Variants in CLCN2 observed in about 807,000 individuals in gnomAD.
The protein encoded by CLCN2 is chloride voltage-gated channel 2, also known as chloride channel protein 2.
Under a neutral mutation model 108.3 loss-of-function variants are expected in CLCN2, and 72 were observed. The observed-to-expected ratio is 0.66, with a 90% CI of 0.55 to 0.81. CLCN2 has a LOEUF of 0.81. CLCN2 is among the 30% of genes least tolerant of loss of function. The pLI is 0.00. For synonymous variants in CLCN2, 471 were observed against 467.1 expected (o/e 1.01, Z -0.11); for missense variants, 1,048 against 1,205.2 (o/e 0.87, Z 1.93).
rs1362688265 is a variant in CLCN2, at chr3:184,353,285, C to A, written c.1993G>T (p.Gly665Cys). Residue 665 changes from glycine to cysteine, a missense_variant, in exon 17 of 24, where the codon GGT (glycine) becomes TGT (cysteine). Transcript: ENST00000265593. ...TQTSPLSDQE[G>C]PPTPEASVCF... ...ACAGAAGCCTCAGGGGTAGGGGGAC[C>A]CTCCTGATCAGATAGTGGAGAGGTC... 1.9e-6 allele frequency: 3 copies of A among 1,613,924 alleles called. No homozygotes were observed. The highest frequency in any genetic ancestry group is 2.7e-5 in the African/African-American group (2 of 75,054).
Position 184,359,108 on chromosome 3 carries a change from G to T in CLCN2, c.87C>A (p.Asp29Glu). 1 of 1,613,768 alleles carries T rather than the reference G, an allele frequency of 6.2e-7. No homozygotes were observed. ...QTLMYGRYTQ[D>E]LGAFAKEEAA... ...CTTCCTCTTTGGCAAAGGCCCCAAGGTCCTGAGTGTACCGGCCATACATCT... is the reference window on the plus strand; with the variant it reads ...CTTCCTCTTTGGCAAAGGCCCCAAGTTCCTGAGTGTACCGGCCATACATCT... The change falls in exon 2 of 24, where the codon GAC becomes GAA. Residue 29 changes from aspartate to glutamate, a missense_variant. Transcript: ENST00000265593.
At chr3:184,352,840 G>T in intron 18 of CLCN2, 30 bp from the exon 19 acceptor site, 1 of 1,611,138 alleles carries the variant, frequency 6.2e-7, no homozygotes, top group Non-Finnish European at 8.5e-7. Flanking sequence ...GCCCCAGGGG[G>T]CAATGTCATC....
At chr3:184,356,381 C>G (rs1300933395) in intron 10 of CLCN2, 3 of 165,022 alleles carry the variant, frequency 1.8e-5, no homozygotes, top group Admixed American at 1.7e-4. Context: ...CAGTGGCTCA[C>G]GCCTGTAATC....
At chr3:184,353,856 G>A in intron 15 of CLCN2, 61 bp from the exon 16 acceptor site, 1 of 1,577,898 alleles carries the variant, frequency 6.3e-7, no homozygotes, top group Admixed American at 1.9e-5. Context: ...CCAGAGCATT[G>A]CCATCCCAGG....
chr3:184,352,435 A>C lies in CLCN2; in HGVS notation c.2271+8T>G, dbSNP rs114350071. 2.4e-3 allele frequency: 3,846 copies of C among 1,613,310 alleles called. 46 individuals are homozygous for C. The African/African-American group carries it at 0.032, about 14-fold the overall frequency. Reference sequence around the variant, plus strand: ...CCGCCGAGATGCTAGAAGAGCAGGCATACTTACTGCCAGGGAGATTCGGAC... The same window carrying C: ...CCGCCGAGATGCTAGAAGAGCAGGCCTACTTACTGCCAGGGAGATTCGGAC... On this transcript the variant is annotated splice_region_variant and intron_variant, in intron 20 of 23. Coordinates refer to ENST00000265593, the MANE Select transcript of CLCN2 (RefSeq NM_004366.6).
Position 184,357,779 on chromosome 3 carries a change from C to T in CLCN2, c.693G>A (p.Glu231=), listed in dbSNP as rs1443104427. The T allele has an allele frequency of 1.2e-6, 2 of 1,613,880 alleles. No individual in the cohort carries two copies. Among genetic ancestry groups the T allele is most frequent in the East Asian group, 2.2e-5 (1 of 44,886 alleles). ...KFLSLFGGIY[E]NESRNTEMLA... ...CTACTTGCCCCAGGGTTCCCCTTACCTCATAGATACCCCCAAAGAGGGAGA... is the reference window on the plus strand; with the variant it reads ...CTACTTGCCCCAGGGTTCCCCTTACTTCATAGATACCCCCAAAGAGGGAGA... Residue 231 remains glutamate, a splice_region_variant and synonymous_variant, in exon 6 of 24, where the codon GAG becomes GAA. Transcript: ENST00000265593.
At chr3:184,349,090 C>T (rs1385811664) in intron 22 of CLCN2, 1 of 152,230 alleles carries the variant, frequency 6.6e-6, no homozygotes, top group African/African-American at 2.4e-5. Context: ...AGCTTCCAGC[C>T]TGCAGCTTCA....
intron 22 of CLCN2, among the ~76,000 whole-genome samples, chr3:184,351,425 T>C (rs1308853281): frequency 1.3e-5 from 2 of 152,266 alleles, no homozygotes; most frequent in African/African-American, 4.8e-5. Context: ...CCTCGCCGCA[T>C]TTCTGCAGGC....
chr3:184,357,980 C>T lies in CLCN2; in HGVS notation c.597G>A (p.Gly199=). ...CAGTTACCTCTTTGCCAAGCGGCATCCCGCTGCCTAGGGCGCAGGTCAGCC... is the reference window on the plus strand; with the variant it reads ...CAGTTACCTCTTTGCCAAGCGGCATTCCGCTGCCTAGGGCGCAGGTCAGCC... ...VIGLTCALGS[G]MPLGKEGPFV... is the part of the protein sequence containing the mutation. Residue 199 remains glycine (G), a synonymous_variant, in exon 5 of 24, where the codon GGG becomes GGA. Transcript: ENST00000265593. 6.2e-7 allele frequency: 1 copy of T among 1,614,046 alleles called. No individual in the cohort carries two copies. The highest frequency in any genetic ancestry group is 8.5e-7 in the Non-Finnish European group (1 of 1,180,044).
intron 22 of CLCN2, chr3:184,349,485 T>A (rs368910088): frequency 6.6e-6 from 1 of 152,234 alleles, no homozygotes; most frequent in Non-Finnish European, 1.5e-5. Context: ...TTGCCCAGGT[T>A]GGACTTGAAC....
In CLCN2 at chr3:184,354,664, G is replaced by T; in HGVS notation, c.1397-6C>A. The T allele has an allele frequency of 6.6e-7, 1 of 1,514,736 alleles. No individual in the cohort carries two copies. The highest frequency in any genetic ancestry group is 8.9e-7 in the Non-Finnish European group (1 of 1,117,974). The allele number at this position is 1,514,736 out of a possible 1,614,324, so 93.8% of individuals were successfully genotyped here. A position where few individuals can be genotyped will look rare whatever the true frequency, so the allele number is the denominator to read the frequency against. On this transcript the variant is annotated splice_polypyrimidine_tract_variant and splice_region_variant and intron_variant, in intron 13 of 23. Coordinates refer to ENST00000265593, the MANE Select transcript of CLCN2 (RefSeq NM_004366.6). ...CAGACGCCCAAATGCTGCTCCTTCA[G>T]GGAGGGGGGTGGGAAGAGAAAGAGG...
rs879012873 is a variant in CLCN2 at position 184,353,352 on chromosome 3, T to G, written c.1926A>C (p.Pro642=). The change falls in exon 17 of 24, where the codon CCA becomes CCC. Residue 642 remains proline, a synonymous_variant. Transcript: ENST00000265593. The stretch of plus-strand genomic sequence containing the variant: ...CCTGCATGTGCTGCCGCCGGCGGGC[T>G]GGGCTCAGCTGGGCCCCCAACAATG... The part of the protein sequence containing the change: ...VVALLGAQLS[P]ARRRQHMQER... 2.5e-6 allele frequency: 4 copies of G among 1,610,756 alleles called. No homozygotes were observed. Among genetic ancestry groups the G allele is most frequent in the Non-Finnish European group, 3.4e-6 (4 of 1,177,746 alleles).
chr3:184,358,763 A>C lies in CLCN2; in HGVS notation c.271T>G (p.Trp91Gly), dbSNP rs1711595457. 1.2e-6 allele frequency: 2 copies of C among 1,610,270 alleles called. No homozygotes were observed. Among genetic ancestry groups the C allele is most frequent in the African/African-American group, 2.7e-5 (2 of 74,988 alleles). Residue 91 changes from tryptophan to glycine, a missense_variant, in exon 3 of 24, where the codon TGG becomes GGG. Trp to Gly is a radical substitution (Grantham distance 184). Transcript: ENST00000265593. ...KFLVSRVGED[W>G]IFLVLLGLLM... is the part of the protein sequence containing the mutation. ...AGCCCCAGCAGGACCAGGAAGATCC[A>C]ATCTTCACCAACCCTGGATACTAGG...
Position 184,352,551 on chromosome 3 carries a change from A to G in CLCN2, c.2218-55T>C. ...GATGAGGAGTTGAGGTTATAGGGAG[A>G]GGGGAGGTGAGGGGAAGTGGTGGAG... On this transcript the variant is annotated intron_variant, in intron 19 of 23. Coordinates refer to ENST00000265593, the MANE Select transcript of CLCN2 (RefSeq NM_004366.6). 4 of 1,561,762 alleles carry G rather than the reference A, an allele frequency of 2.6e-6. No homozygotes were observed. In the Admixed American group the frequency reaches 7.0e-5, roughly 27 times the overall value.
At position 184,357,709 on chromosome 3, in the gene CLCN2, T is replaced by G. The variant is rs755535255; in HGVS notation, c.694-11A>C. On this transcript the variant is annotated splice_polypyrimidine_tract_variant and intron_variant, in intron 6 of 23. Transcript: ENST00000265593. ...GTTCCGGGATTCATTCTGGCGAGAGTGGTGGCAAGAGGGGGTCAGCTGTGG... is the reference window on the plus strand; with the variant it reads ...GTTCCGGGATTCATTCTGGCGAGAGGGGTGGCAAGAGGGGGTCAGCTGTGG... The G allele has an allele frequency of 1.5e-5, 24 of 1,613,988 alleles. No homozygotes were observed. In the East Asian group the frequency reaches 5.1e-4, roughly 34 times the overall value.
chr3:184,358,142 A>G (rs942831450), intron 4 of CLCN2, 40 bp downstream of exon 4: 2 of 1,613,862 alleles, frequency 1.2e-6, no homozygotes, highest in Non-Finnish European at 1.7e-6. Context: ...CACCCATTTC[A>G]GGGGTCCCGC....
chr3:184,358,563 G>T, intron 3 of CLCN2, 119 bp downstream of exon 3: 1 of 1,381,804 alleles, frequency 7.2e-7, no homozygotes, highest in Non-Finnish European at 1.0e-6. Flanking sequence ...CAGTCAGACT[G>T]GCTGGGGAAA....
In CLCN2 at chr3:184,353,276, T is replaced by C. The variant is rs1389724991; in HGVS notation, c.2002A>G (p.Thr668Ala). The change falls in exon 17 of 24, where the codon ACC (threonine) becomes GCC (alanine). Residue 668 changes from threonine to alanine, a missense_variant. Thr to Ala is a moderately conservative substitution (Grantham distance 58). Coordinates refer to ENST00000265593, the MANE Select transcript of CLCN2 (RefSeq NM_004366.6). Reference protein sequence around the residue: ...SPLSDQEGPPTPEASVCFQVN... With the variant: ...SPLSDQEGPPAPEASVCFQVN... ...TGGAAGCAGACAGAAGCCTCAGGGG[T>C]AGGGGGACCCTCCTGATCAGATAGT... 8 of 1,613,764 alleles carry C rather than the reference T, an allele frequency of 5.0e-6. No homozygotes were observed. The highest frequency in any genetic ancestry group is 6.8e-6 in the Non-Finnish European group (8 of 1,179,984).
intron 22 of CLCN2, among the ~76,000 whole-genome samples, chr3:184,351,543 G>A (rs1376046449): frequency 1.3e-5 from 2 of 152,196 alleles, no homozygotes. Flanking sequence ...CCCACTGGGT[G>A]TTTCTCATCT....
Sources: gnomAD v4.1 joint callset for allele counts (sites outside exome capture counted in the v4.1 genomes callset) on GRCh38, gnomAD v4.1.1 for gene constraint, MANE v1.5 for transcripts, NCBI Gene and HGNC (gene_info 2026-07-23, HGNC 2026-07-21) for gene names.